Variants in POLR3B observed in about 807,000 individuals in gnomAD.
The protein encoded by POLR3B is RNA polymerase III subunit B, also known as DNA-directed RNA polymerase III subunit RPC2.
A neutral mutation model predicts 147.4 loss-of-function variants in POLR3B; 96 were observed. That is an observed-to-expected ratio of 0.65 (90% CI 0.55 to 0.77). The LOEUF (loss-of-function observed/expected upper bound fraction) is 0.77. Among genes scored for constraint, POLR3B ranks in the 30% least tolerant of loss-of-function variants. POLR3B has a pLI of 0.00. For missense variants in POLR3B, 1,036 were observed against 1,413.5 expected (o/e 0.73, Z 4.28); for synonymous variants, 461 against 485.9 (o/e 0.95, Z 0.67).
intron 12 of POLR3B, among the ~76,000 whole-genome samples, chr12:106,426,550 C>T (rs890994740): frequency 1.3e-5 from 2 of 151,882 alleles, no homozygotes; most frequent in Non-Finnish European, 2.9e-5. Flanking sequence ...CTCCTGACCT[C>T]GTGATCAACC....
chr12:106,402,751 G>T (rs2037086765), intron 10 of POLR3B, among the ~76,000 whole-genome samples: 1 of 152,184 alleles, frequency 6.6e-6, no homozygotes, highest in African/African-American at 2.4e-5. Flanking sequence ...AAACTGGCTA[G>T]CCATACGTAG....
At chr12:106,500,798 A>T (rs2038587213) in intron 25 of POLR3B, among the ~76,000 whole-genome samples, 1 of 152,190 alleles carries the variant, frequency 6.6e-6, no homozygotes, top group Non-Finnish European at 1.5e-5. Flanking sequence ...GGAAACAGTG[A>T]GGTGTGCAGG....
At chr12:106,463,166 T>C (rs1258057126) in intron 22 of POLR3B, among the ~76,000 whole-genome samples, 1 of 152,146 alleles carries the variant, frequency 6.6e-6, no homozygotes, top group Non-Finnish European at 1.5e-5. Context: ...TTTGTGTGAG[T>C]CATGTGCCCT....
At chr12:106,505,343 G>A (rs752478162) in intron 27 of POLR3B, among the ~76,000 whole-genome samples, 5 of 151,808 alleles carry the variant, frequency 3.3e-5, no homozygotes, top group African/African-American at 1.2e-4. Context: ...GCTGCAGTGC[G>A]GTGGTGTGAT....
intron 9 of POLR3B, among the ~76,000 whole-genome samples, chr12:106,387,092 A>G (rs1378050667): frequency 6.6e-6 from 1 of 152,240 alleles, no homozygotes; most frequent in Non-Finnish European, 1.5e-5. Flanking sequence ...TTCTGATTAT[A>G]AAAACATTCC....
chr12:106,403,892 C>T (rs1463608121), intron 10 of POLR3B, among the ~76,000 whole-genome samples: 1 of 151,620 alleles, frequency 6.6e-6, no homozygotes, highest in Non-Finnish European at 1.5e-5. Flanking sequence ...AGCACACCAA[C>T]ATGGCACATG....
chr12:106,379,076 C>G (rs2036723009), intron 8 of POLR3B, among the ~76,000 whole-genome samples: 1 of 152,200 alleles, frequency 6.6e-6, no homozygotes, highest in Non-Finnish European at 1.5e-5. Flanking sequence ...CAGTAATGGT[C>G]ATTCATGGAG....
chr12:106,433,937 A>G (rs1333822489), intron 16 of POLR3B, 65 bp downstream of exon 16: 11 of 1,346,794 alleles, frequency 8.2e-6, no homozygotes, highest in Non-Finnish European at 1.2e-5. Context: ...TGAAAGAAAT[A>G]GACTTGTTTT....
chr12:106,410,625 C>CT, intron 11 of POLR3B: 2 of 592,942 alleles, frequency 3.4e-6, no homozygotes, highest in Non-Finnish European at 6.0e-6. Flanking sequence ...CAGAGGTACT[C>CT]ACAGGTTACT....
intron 10 of POLR3B, among the ~76,000 whole-genome samples, chr12:106,398,900 A>G (rs2037019683): frequency 6.6e-6 from 1 of 152,100 alleles, no homozygotes; most frequent in African/African-American, 2.4e-5. Flanking sequence ...GAGCAGAAAA[A>G]CTGGAAACTC....
intron 10 of POLR3B, among the ~76,000 whole-genome samples, chr12:106,405,065 T>C (rs1407022204): frequency 6.6e-6 from 1 of 152,214 alleles, no homozygotes; most frequent in Non-Finnish European, 1.5e-5. Flanking sequence ...TCTGGACTTT[T>C]TATTCTCTTT....
At position 106,430,353 on chromosome 12, in the gene POLR3B, A is replaced by G. The variant is rs138822077; in HGVS notation, c.1344A>G (p.Ala448=). The G allele has an allele frequency of 1.2e-5, 19 of 1,613,868 alleles. No individual in the cohort carries two copies. In the African/African-American group the frequency reaches 2.5e-4, roughly 22 times the overall value. ...TGTCTCGCTTGTCATATATATCCGC[A>G]CTGGGCATGATGACAAGAATCTCTT... The part of the protein sequence containing the change: ...QVLSRLSYIS[A]LGMMTRISSQ... Residue 448 remains alanine (A), a synonymous_variant, in exon 14 of 28, where the codon GCA becomes GCG. Transcript: ENST00000228347.
chr12:106,479,152 A>G (rs1272378645), intron 23 of POLR3B, among the ~76,000 whole-genome samples: 1 of 151,840 alleles, frequency 6.6e-6, no homozygotes, highest in Non-Finnish European at 1.5e-5. Flanking sequence ...ACATTTTCTT[A>G]TATTTATTTA....
At chr12:106,503,974 C>T (rs994724519) in intron 26 of POLR3B, 107 bp from the exon 27 acceptor site, 2 of 1,002,054 alleles carry the variant, frequency 2.0e-6, no homozygotes, top group Non-Finnish European at 3.2e-6. Flanking sequence ...GATTTGGATC[C>T]AGATGAGCCC....
chr12:106,440,833 G>A lies in POLR3B; in HGVS notation c.1955+3054G>A, dbSNP rs184443970. Among the ~76,000 whole-genome samples the A allele has an allele frequency of 2.9e-3, 442 of 151,804 alleles. 1 individual carries two copies. The highest frequency in any genetic ancestry group is 9.2e-3 in the African/African-American group (379 of 41,376). On this transcript the variant is annotated intron_variant, in intron 18 of 27. Coordinates refer to ENST00000228347, the MANE Select transcript of POLR3B (RefSeq NM_018082.6). ...TCCCTCACTTAGAAGCTTCACGAAG[G>A]CAGGGATTTTCATCTGGTTTTTCAT...
At chr12:106,471,959 C>T (rs2137046474) in intron 23 of POLR3B, among the ~76,000 whole-genome samples, 1 of 148,480 alleles carries the variant, frequency 6.7e-6, no homozygotes, top group South Asian at 2.2e-4. Context: ...TGCGCTGCAC[C>T]CACTAACTCG....
At chr12:106,384,860 C>G (rs1456165502) in intron 9 of POLR3B, among the ~76,000 whole-genome samples, 1 of 149,376 alleles carries the variant, frequency 6.7e-6, no homozygotes, top group Non-Finnish European at 1.5e-5. Flanking sequence ...TGGCGTTTCG[C>G]TCTTTCACCC....
At chr12:106,370,816 GAGAT>G (rs1367024965) in intron 6 of POLR3B, among the ~76,000 whole-genome samples, 1 of 151,992 alleles carries the variant, frequency 6.6e-6, no homozygotes, top group Non-Finnish European at 1.5e-5. Flanking sequence ...ATTTTTTGTA[GAGAT>G]GGGGTTTTGC....
At chr12:106,429,585 A>T (rs1324097942) in intron 13 of POLR3B, among the ~76,000 whole-genome samples, 1 of 152,104 alleles carries the variant, frequency 6.6e-6, no homozygotes, top group Non-Finnish European at 1.5e-5. Context: ...TATTTAAAAT[A>T]ATACAACATA....
Sources: gnomAD v4.1 joint callset for allele counts (sites outside exome capture counted in the v4.1 genomes callset) on GRCh38, gnomAD v4.1.1 for gene constraint, MANE v1.5 for transcripts, NCBI Gene and HGNC (gene_info 2026-07-23, HGNC 2026-07-21) for gene names.